The following NT5DC3 variants were observed in gnomAD, a reference collection of about 807,000 sequenced individuals.
NT5DC3 encodes 5'-nucleotidase domain containing 3, also known as 5'-nucleotidase domain-containing protein 3.
Under a neutral mutation model 67.8 loss-of-function variants are expected in NT5DC3, and 42 were observed. That is an observed-to-expected ratio of 0.62 (90% confidence interval 0.48 to 0.80). The LOEUF (loss-of-function observed/expected upper bound fraction) is 0.80, where lower values mean the gene tolerates loss of function less well. Ranked by LOEUF, NT5DC3 falls within the 30% of genes least tolerant of loss-of-function variation. The pLI is 0.00. For synonymous variants in NT5DC3, 237 were observed against 255.6 expected, an observed-to-expected ratio of 0.93 and a Z score of 0.69; for missense variants, 570 against 696.4, an observed-to-expected ratio of 0.82 and a Z score of 2.04.
chr12:103,762,530 G>A, the NT5DC3 span: 1 of 1,442,840 alleles, frequency 6.9e-7, no homozygotes, highest in Non-Finnish European at 9.5e-7. Context: ...ACAGTAGCAG[G>A]GGCGGCCACC....
At chr12:103,747,639 C>T in the NT5DC3 span, among the ~76,000 whole-genome samples, 1 of 152,136 alleles carries the variant, frequency 6.6e-6, no homozygotes, top group Non-Finnish European at 1.5e-5. Flanking sequence ...ACAAGGGAAC[C>T]TGGGAAATGT....
intron 10 of NT5DC3, 70 bp from the exon 11 acceptor site, chr12:103,787,597 TA>T: frequency 1.3e-6 from 1 of 789,150 alleles, no homozygotes; most frequent in Non-Finnish European, 1.9e-6. Context: ...GTACAAAATA[TA>T]AAACTTTTAA....
intron 3 of NT5DC3, 113 bp from the exon 4 acceptor site, chr12:103,806,490 A>G (rs1886805800): frequency 2.7e-6 from 2 of 750,336 alleles, no homozygotes; most frequent in Non-Finnish European, 4.7e-6. Context: ...CCTAACAAGG[A>G]AGCACACTGT....
intron 1 of NT5DC3, among the ~76,000 whole-genome samples, chr12:103,825,302 A>G (rs910742462): frequency 6.6e-6 from 1 of 152,244 alleles, no homozygotes; most frequent in African/African-American, 2.4e-5. Context: ...TAATATCTGT[A>G]TTTTGACTAC....
chr12:103,748,593 CACACACACACAT>C, the NT5DC3 span, among the ~76,000 whole-genome samples: 3,279 of 47,854 alleles, frequency 0.069, 56 homozygotes, highest in African/African-American at 0.13. Flanking sequence ...ACCACACACA[CACACACACACAT>C]ACACACACAC....
intron 4 of NT5DC3, among the ~76,000 whole-genome samples, chr12:103,805,471 C>T (rs2139386961): frequency 6.6e-6 from 1 of 152,268 alleles, no homozygotes; most frequent in South Asian, 2.1e-4. Context: ...TAAGTATAAG[C>T]TGTGCACCTA....
At chr12:103,764,092 T>G in the NT5DC3 span, among the ~76,000 whole-genome samples, 1 of 152,100 alleles carries the variant, frequency 6.6e-6, no homozygotes. Flanking sequence ...TAGCTGGGAT[T>G]ACAGGCGCAT....
intron 1 of NT5DC3, among the ~76,000 whole-genome samples, chr12:103,816,247 A>G (rs1313644231): frequency 6.6e-6 from 1 of 152,164 alleles, no homozygotes; most frequent in Admixed American, 6.5e-5. Flanking sequence ...ATACCTACCA[A>G]TCGTGGCTCC....
the NT5DC3 span, among the ~76,000 whole-genome samples, chr12:103,759,738 G>A: frequency 1.3e-5 from 2 of 151,928 alleles, no homozygotes; most frequent in African/African-American, 2.4e-5. Flanking sequence ...TTTCATGATT[G>A]TGATACAAGG....
chr12:103,768,852 A>G (rs1885122490), downstream of NT5DC3: 1 of 151,898 alleles, frequency 6.6e-6, no homozygotes, highest in African/African-American at 2.4e-5. Flanking sequence ...ATTAGCTTAG[A>G]CAGCACGGCA....
Position 103,772,695 on chromosome 12 carries a change from G to A in NT5DC3, c.*5134C>T, listed in dbSNP as rs543631155. ...ATGAGGTCTCACTGACCCCACAAGG[G>A]GCTCTGGAGCTGGGATGGCCCCAGA... On this transcript the variant is annotated 3_prime_UTR_variant, in exon 14 of 14. Transcript: ENST00000392876. 1.3e-5 allele frequency: 2 copies of A among 152,538 alleles called. No homozygotes were observed. The highest frequency in any genetic ancestry group is 4.1e-4 in the South Asian group (2 of 4,830). 9.4% of individuals were successfully genotyped at this position (152,538 alleles called of 1,614,324 possible).
At chr12:103,750,786 A>C in the NT5DC3 span, 1 of 1,518,966 alleles carries the variant, frequency 6.6e-7, no homozygotes, top group South Asian at 1.2e-5. Flanking sequence ...GGGACCCTCA[A>C]GGGAAAGAAG....
chr12:103,763,736 G>A, the NT5DC3 span: 10 of 911,332 alleles, frequency 1.1e-5, no homozygotes, highest in African/African-American at 8.3e-5. Context: ...CAGGTAACAA[G>A]CCTAAAAGCC....
At chr12:103,748,500 A>T in the NT5DC3 span, among the ~76,000 whole-genome samples, 1 of 152,000 alleles carries the variant, frequency 6.6e-6, no homozygotes, top group Non-Finnish European at 1.5e-5. Flanking sequence ...CAGGTCAGTT[A>T]AGCTGAGTCT....
intron 4 of NT5DC3, among the ~76,000 whole-genome samples, chr12:103,801,474 C>T (rs917304648): frequency 2.0e-5 from 3 of 148,162 alleles, no homozygotes; most frequent in African/African-American, 7.4e-5. Flanking sequence ...GCTCCACCTC[C>T]CAGGTTCACG....
the NT5DC3 span, among the ~76,000 whole-genome samples, chr12:103,762,894 C>T: frequency 3.3e-5 from 5 of 152,196 alleles, no homozygotes; most frequent in African/African-American, 1.2e-4. Context: ...GCAGCCAGCT[C>T]TTGACTGGCT....
At chr12:103,785,822 A>G in intron 11 of NT5DC3, 1 of 451,552 alleles carries the variant, frequency 2.2e-6, no homozygotes, top group Non-Finnish European at 4.2e-6. Context: ...AATGCTACCA[A>G]AGGTCTTCAT....
intron 12 of NT5DC3, among the ~76,000 whole-genome samples, chr12:103,782,096 G>A (rs781076670): frequency 1.3e-4 from 20 of 152,226 alleles, no homozygotes; most frequent in Non-Finnish European, 2.5e-4. Flanking sequence ...CAGGCTGGGC[G>A]TGGTAGCTCA....
In NT5DC3 at chr12:103,793,233, T is replaced by C. The variant is rs901056239; in HGVS notation, c.950A>G (p.Asp317Gly). The C allele has an allele frequency of 2.5e-6, 4 of 1,610,464 alleles. No individual in the cohort carries two copies. The highest frequency in any genetic ancestry group is 2.2e-5 in the East Asian group (1 of 44,868). The change falls in exon 9 of 14, where the codon GAC becomes GGC. Residue 317 changes from aspartate to glycine, a missense_variant. Physicochemically the swap from Asp to Gly is moderately conservative, Grantham distance 94 (BLOSUM62 -1). This residue lies in a region of NT5DC3 where 466 missense variants were observed against 608.0 expected (regional missense o/e 0.77). Coordinates refer to ENST00000392876, the MANE Select transcript of NT5DC3 (RefSeq NM_001031701.3). Reference protein sequence around the residue: ...DKGMSYIVGKDWRDLFDVVIV... With the variant: ...DKGMSYIVGKGWRDLFDVVIV... Reference sequence around the variant, plus strand: ...GACCACATCGAACAGGTCCCTCCAGTCTTTCCCAACGATATAACTCATCCC... The same window carrying C: ...GACCACATCGAACAGGTCCCTCCAGCCTTTCCCAACGATATAACTCATCCC...
Sources: gnomAD v4.1 joint callset for allele counts (sites outside exome capture counted in the v4.1 genomes callset) on GRCh38, gnomAD v4.1.1 for gene constraint, gnomAD v4.1.1 regional missense constraint, MANE v1.5 for transcripts, NCBI Gene and HGNC (gene_info 2026-07-23, HGNC 2026-07-21) for gene names.